The following RAPGEF1 variants were observed in gnomAD, a reference collection of about 807,000 sequenced individuals.
RAPGEF1 encodes CRK SH3-binding GNRP.
Under a neutral mutation model 143.3 loss-of-function variants are expected in RAPGEF1, and 33 were observed. The ratio of observed to expected loss-of-function variants is 0.23; its 90% CI spans 0.17 to 0.31. RAPGEF1 has a LOEUF of 0.31. Among genes scored for constraint, RAPGEF1 ranks in the 10% least tolerant of loss-of-function variants. The pLI, the probability that RAPGEF1 is intolerant of heterozygous loss-of-function variation, is 1.00. For missense variants in RAPGEF1, 1,199 were observed against 1,645.4 expected (o/e 0.73, Z 4.69); for synonymous variants, 629 against 676.5 (o/e 0.93, Z 1.09).
chr9:131,722,897 AAAC>A (rs762283635), intron 1 of RAPGEF1, among the ~76,000 whole-genome samples: 6 of 152,024 alleles, frequency 3.9e-5, no homozygotes, highest in Non-Finnish European at 8.8e-5. Context: ...AAACAAACAA[AAAC>A]AACGGGGCGG....
Position 131,601,403 on chromosome 9 carries a change from T to C in RAPGEF1, c.2501+658A>G, listed in dbSNP as rs896458711. ...TGAAAGAGGCCAAGACCAAGGGAGGTTGGCCTGGGATTTGAAAAAGAAAAG... is the reference window on the plus strand; with the variant it reads ...TGAAAGAGGCCAAGACCAAGGGAGGCTGGCCTGGGATTTGAAAAAGAAAAG... On this transcript the variant is annotated intron_variant, in intron 15 of 26. Coordinates refer to ENST00000683357, the MANE Select transcript of RAPGEF1 (RefSeq NM_001377935.1). 6.0e-4 allele frequency among the ~76,000 whole-genome samples: 91 copies of C among 152,020 alleles called. 1 individual carries two copies. Among genetic ancestry groups the C allele is most frequent in the Non-Finnish European group, 6.0e-4 (41 of 68,016 alleles).
At chr9:131,680,863 G>A (rs1017723421) in intron 1 of RAPGEF1, among the ~76,000 whole-genome samples, 2 of 152,094 alleles carry the variant, frequency 1.3e-5, no homozygotes, top group African/African-American at 2.4e-5. Flanking sequence ...TTAGGGTCTC[G>A]CGGACCGAGC....
intron 17 of RAPGEF1, among the ~76,000 whole-genome samples, chr9:131,592,515 C>A (rs4740291): frequency 6.6e-6 from 1 of 152,062 alleles, no homozygotes; most frequent in Non-Finnish European, 1.5e-5. Flanking sequence ...CTGGTCCCAG[C>A]GGAAAAGGGC....
At chr9:131,587,597 G>T in intron 22 of RAPGEF1, 139 bp downstream of exon 22, 1 of 800,210 alleles carries the variant, frequency 1.2e-6, no homozygotes, top group East Asian at 2.7e-5. Context: ...CAGTGCTCAT[G>T]GGAACCCCCA....
Position 131,667,923 on chromosome 9 carries a change from G to GT in RAPGEF1, c.62-16975dup, listed in dbSNP as rs1274956953. Among the ~76,000 whole-genome samples, 1 of 152,204 alleles carries GT rather than the reference G, an allele frequency of 6.6e-6. No individual in the cohort carries two copies. The highest frequency in any genetic ancestry group is 1.5e-5 in the Non-Finnish European group (1 of 68,046). On this transcript the variant is annotated intron_variant, in intron 1 of 26. Transcript: ENST00000683357. The surrounding 1 kb of genome is among the most constrained non-coding windows in gnomAD (Gnocchi z 4.6). ...TCACTAAGCCCAGTCCTGGCACTTA[G>GT]TTAACATTCATAAATGTCATCTGTG...
intron 1 of RAPGEF1, among the ~76,000 whole-genome samples, chr9:131,662,875 C>T (rs1416731519): frequency 3.3e-5 from 5 of 152,214 alleles, no homozygotes; most frequent in East Asian, 3.9e-4. Flanking sequence ...CACTATGTTG[C>T]CTAGGCTGGT....
chr9:131,718,325 C>T (rs144442045), intron 1 of RAPGEF1, among the ~76,000 whole-genome samples: 7 of 152,174 alleles, frequency 4.6e-5, no homozygotes, highest in African/African-American at 1.7e-4. Context: ...CAGGCCACGT[C>T]GAGGACCTCG....
chr9:131,595,031 G>GCT (rs113581700), intron 17 of RAPGEF1, among the ~76,000 whole-genome samples: 34 of 152,380 alleles, frequency 2.2e-4, no homozygotes, highest in African/African-American at 7.0e-4. Flanking sequence ...CGCTCAGGAT[G>GCT]CTGCTGATCA....
At chr9:131,682,601 T>C (rs1833008065) in intron 1 of RAPGEF1, among the ~76,000 whole-genome samples, 1 of 152,228 alleles carries the variant, frequency 6.6e-6, no homozygotes, top group South Asian at 2.1e-4. Context: ...CAAATTGTTG[T>C]AACTACTTCT....
At chr9:131,619,811 T>C (rs1220757683) in intron 11 of RAPGEF1, among the ~76,000 whole-genome samples, 1 of 152,174 alleles carries the variant, frequency 6.6e-6, no homozygotes, top group African/African-American at 2.4e-5. Context: ...ACCATTTTTG[T>C]CTGTGAAGTG....
chr9:131,696,984 T>C (rs1427301230), intron 1 of RAPGEF1, among the ~76,000 whole-genome samples: 3 of 152,258 alleles, frequency 2.0e-5, no homozygotes, highest in Admixed American at 2.0e-4. Flanking sequence ...GCCTTCATTT[T>C]ACAGATGAGC....
chr9:131,659,449 G>A (rs1476690286), intron 1 of RAPGEF1, among the ~76,000 whole-genome samples: 2 of 152,102 alleles, frequency 1.3e-5, no homozygotes, highest in Non-Finnish European at 2.9e-5. Context: ...GAACTCCTGG[G>A]CTCAAGGGAT....
In RAPGEF1 at chr9:131,602,960, G is replaced by A. The variant is rs140565555; in HGVS notation, c.2413-811C>T. ...TCACAGTGGAGGGAGAGAGCCATGC[G>A]AAGCTGGCCTCTACCTGCACGTGGA... On this transcript the variant is annotated intron_variant, in intron 14 of 26. Transcript: ENST00000683357. Among the ~76,000 whole-genome samples the A allele has an allele frequency of 2.6e-3, 403 of 152,350 alleles. 1 individual carries two copies. The highest frequency in any genetic ancestry group is 4.5e-3 in the Non-Finnish European group (309 of 68,026).
rs374390558 is a variant in RAPGEF1 at position 131,587,124 on chromosome 9, C to T, written c.3233+612G>A. On this transcript the variant is annotated intron_variant, in intron 22 of 26. Transcript: ENST00000683357. ...CCGTCTTACACACACACCTGCAGAG[C>T]GAGACTCCGTCTCAAACACACACAC... 1.0e-4 allele frequency among the ~76,000 whole-genome samples: 10 copies of T among 99,094 alleles called. 1 individual carries two copies. Among genetic ancestry groups the T allele is most frequent in the Non-Finnish European group, 1.8e-4 (9 of 50,792 alleles). The allele number at this position is 99,094 out of a possible 152,430, so 65.0% of individuals were successfully genotyped here. A position where few individuals can be genotyped will look rare whatever the true frequency, so the allele number is the denominator to read the frequency against.
intron 5 of RAPGEF1, among the ~76,000 whole-genome samples, chr9:131,633,792 A>G (rs573267937): frequency 6.6e-6 from 1 of 152,194 alleles, no homozygotes; most frequent in African/African-American, 2.4e-5. Flanking sequence ...ACTTGCCTTA[A>G]CTATCACAGA....
In RAPGEF1 at chr9:131,739,499, C is replaced by G. The variant is rs1366565725; in HGVS notation, c.61+271G>C. Among the ~76,000 whole-genome samples, 9 of 151,908 alleles carry G rather than the reference C, an allele frequency of 5.9e-5. No individual in the cohort carries two copies. The South Asian group carries it at 1.0e-3, about 17-fold the overall frequency. On this transcript the variant is annotated intron_variant, in intron 1 of 26. Transcript: ENST00000683357. ...GCCATTTTCGGAAGTTCCCGGGGAC[C>G]GCGGAGCGGCTAGCGCGCCCGGCCC...
chr9:131,591,369 T>C (rs1195232306), intron 18 of RAPGEF1, among the ~76,000 whole-genome samples: 2 of 152,188 alleles, frequency 1.3e-5, no homozygotes, highest in Non-Finnish European at 2.9e-5. Context: ...CCGTGGGCTA[T>C]GTGCAAAGAG....
At chr9:131,717,995 C>T (rs1488113778) in intron 1 of RAPGEF1, among the ~76,000 whole-genome samples, 2 of 152,078 alleles carry the variant, frequency 1.3e-5, no homozygotes, top group Non-Finnish European at 2.9e-5. Context: ...CATGAACTCA[C>T]CAAAACCCTA....
chr9:131,579,694 G>A, intron 26 of RAPGEF1, 47 bp from the exon 27 acceptor site: 1 of 1,586,830 alleles, frequency 6.3e-7, no homozygotes, highest in African/African-American at 1.3e-5. Context: ...GTGTGGGCTG[G>A]ATGGCCCGAT....
Sources: gnomAD v4.1 joint callset for allele counts (sites outside exome capture counted in the v4.1 genomes callset) on GRCh38, gnomAD v4.1.1 for gene constraint, Gnocchi (gnomAD v3.1) non-coding constraint, MANE v1.5 for transcripts, NCBI Gene and HGNC (gene_info 2026-07-23, HGNC 2026-07-21) for gene names.